The following LRRC7 variants were observed in gnomAD, a reference collection of about 807,000 sequenced individuals.
The protein encoded by LRRC7 is leucine-rich repeat-containing protein 7.
A neutral mutation model predicts 175.7 loss-of-function variants in LRRC7; 23 were observed. The ratio of observed to expected loss-of-function variants is 0.13; its 90% CI spans 0.09 to 0.19. The LOEUF (loss-of-function observed/expected upper bound fraction) is 0.19, where lower values mean the gene tolerates loss of function less well. Among genes scored for constraint, LRRC7 ranks in the 10% least tolerant of loss-of-function variants. The pLI is 1.00. For missense variants in LRRC7, 1,354 were observed against 1,904.7 expected (o/e 0.71, Z 5.38); for synonymous variants, 685 against 680.9 (o/e 1.01, Z -0.09).
chr1:70,037,399 T>C (rs1659414732), intron 20 of LRRC7, among the ~76,000 whole-genome samples: 1 of 152,236 alleles, frequency 6.6e-6, no homozygotes, highest in East Asian at 1.9e-4. Flanking sequence ...GTAAATTCAT[T>C]ATTTGCATTA....
rs1038838344 is a variant in LRRC7, at chr1:70,141,719, T to G, written c.*19832T>G. On this transcript the variant is annotated 3_prime_UTR_variant, in exon 27 of 27. Coordinates refer to ENST00000651989, the MANE Select transcript of LRRC7 (RefSeq NM_001370785.2). ...AAGTTTTAAAGTTAGCTGCTTATAT[T>G]GTACAAAGATATTTTTGGCTCTTTA... 5 of 152,136 alleles carry G rather than the reference T, an allele frequency of 3.3e-5. No homozygotes were observed. The highest frequency in any genetic ancestry group is 1.3e-4 in the Admixed American group (2 of 15,276). 9.4% of individuals were successfully genotyped at this position (152,136 alleles called of 1,614,324 possible). A position where few individuals can be genotyped will look rare whatever the true frequency, so the allele number is the denominator to read the frequency against.
At position 70,013,076 on chromosome 1, in the gene LRRC7, T is replaced by C. The variant is rs756361126; in HGVS notation, c.1237T>C (p.Leu413=). The C allele has an allele frequency of 1.3e-6, 2 of 1,559,164 alleles. No homozygotes were observed. Among genetic ancestry groups the C allele is most frequent in the Non-Finnish European group, 1.7e-6 (2 of 1,148,112 alleles). ...GATGCAGAAACTAAGAGTCCTAAAT[T>C]TGAGTGACAACAGGTATTTTTGCAA... ...GQMQKLRVLN[L]SDNRLKNLPF... is the part of the protein sequence containing the mutation. The change falls in exon 13 of 27, where the codon TTG becomes CTG. Residue 413 remains leucine, a synonymous_variant. Transcript: ENST00000651989.
intron 2 of LRRC7, among the ~76,000 whole-genome samples, chr1:69,705,355 G>A (rs1663900260): frequency 6.6e-6 from 1 of 152,100 alleles, no homozygotes; most frequent in Non-Finnish European, 1.5e-5. Flanking sequence ...GCTTCTCCTT[G>A]ACTTGTATTC....
Position 70,028,307 on chromosome 1 carries a change from A to C in LRRC7, c.1931A>C (p.Glu644Ala). The C allele has an allele frequency of 6.2e-7, 1 of 1,613,804 alleles. No individual in the cohort carries two copies. The highest frequency in any genetic ancestry group is 8.5e-7 in the Non-Finnish European group (1 of 1,179,794). The stretch of plus-strand genomic sequence containing the variant: ...AATTCAAATCCAACTGCTAACACGG[A>C]GCAAACTGTGAAAGAAAAATATGAA... ...VENSNPTANTEQTVKEKYEHK... is the reference protein window; with the variant it reads ...VENSNPTANTAQTVKEKYEHK... Residue 644 changes from glutamate to alanine, a missense_variant, in exon 18 of 27, where the codon GAG becomes GCG. This residue lies in a region of LRRC7 where 1,032 missense variants were observed against 1,227.2 expected (regional missense o/e 0.84). Transcript: ENST00000651989.
At chr1:69,927,422 C>T (rs997250803) in intron 7 of LRRC7, among the ~76,000 whole-genome samples, 3 of 152,318 alleles carry the variant, frequency 2.0e-5, no homozygotes, top group Non-Finnish European at 2.9e-5. Flanking sequence ...TGGTTCCATT[C>T]TCCCCGTCAC....
At chr1:69,844,366 CAG>C (rs2101406015) in intron 7 of LRRC7, among the ~76,000 whole-genome samples, 1 of 152,210 alleles carries the variant, frequency 6.6e-6, no homozygotes, top group East Asian at 1.9e-4. Flanking sequence ...CTCCTCCCCT[CAG>C]CCCCTGGCAG....
rs1352748591 is a variant in LRRC7, at chr1:69,718,096, G to GA, written c.100+39620dup. On this transcript the variant is annotated intron_variant, in intron 2 of 26. Transcript: ENST00000651989. ...AAGAGAAGAGAGAGAAAAAGAAAGA[G>GA]AAGAAAGAGAGAAAAAGAAAGAAAG... Among the ~76,000 whole-genome samples, 69 of 26,842 alleles carry GA rather than the reference G, an allele frequency of 2.6e-3. 1 individual carries two copies. Among genetic ancestry groups the GA allele is most frequent in the African/African-American group, 0.021 (67 of 3,170 alleles). 17.6% of individuals were successfully genotyped at this position (26,842 alleles called of 152,430 possible).
At chr1:69,787,812 A>G (rs1470393189) in intron 3 of LRRC7, among the ~76,000 whole-genome samples, 1 of 151,962 alleles carries the variant, frequency 6.6e-6, no homozygotes, top group Non-Finnish European at 1.5e-5. Flanking sequence ...CCATGATTCA[A>G]TTACCTCCCA....
chr1:70,085,323 A>T (rs1571281695), intron 24 of LRRC7, among the ~76,000 whole-genome samples: 1 of 152,172 alleles, frequency 6.6e-6, no homozygotes, highest in East Asian at 1.9e-4. Flanking sequence ...GGTGTGAGAT[A>T]TGAGTACAGA....
At chr1:69,977,366 T>TA (rs918873742) in intron 8 of LRRC7, among the ~76,000 whole-genome samples, 15 of 152,058 alleles carry the variant, frequency 9.9e-5, no homozygotes, top group African/African-American at 3.4e-4. Context: ...CTATCTCCTT[T>TA]AAAAAAAAGA....
intron 1 of LRRC7, among the ~76,000 whole-genome samples, chr1:69,591,676 C>T (rs1646641179): frequency 6.6e-6 from 1 of 151,944 alleles, no homozygotes; most frequent in Non-Finnish European, 1.5e-5. Context: ...GGAAATTCAC[C>T]AGAAATCTAA....
intron 2 of LRRC7, among the ~76,000 whole-genome samples, chr1:69,757,699 A>G (rs1264891613): frequency 6.6e-6 from 1 of 151,978 alleles, no homozygotes; most frequent in Non-Finnish European, 1.5e-5. Flanking sequence ...TAAAATGTGC[A>G]ATGATAGCAA....
chr1:70,120,490 G>A (rs1232662432), intron 26 of LRRC7, among the ~76,000 whole-genome samples: 1 of 151,868 alleles, frequency 6.6e-6, no homozygotes, highest in Non-Finnish European at 1.5e-5. Flanking sequence ...GAGATATAAT[G>A]TATCATATAA....
intron 7 of LRRC7, among the ~76,000 whole-genome samples, chr1:69,882,049 A>G (rs547413245): frequency 1.3e-5 from 2 of 151,560 alleles, no homozygotes; most frequent in South Asian, 4.1e-4. Flanking sequence ...AACCCAGTTT[A>G]CAAAATGGAA....
At chr1:69,776,010 A>C (rs1672768897) in intron 3 of LRRC7, among the ~76,000 whole-genome samples, 1 of 152,170 alleles carries the variant, frequency 6.6e-6, no homozygotes, top group Non-Finnish European at 1.5e-5. Context: ...TAGAGCCTCT[A>C]ATTACAGAGA....
At chr1:69,991,585 T>C (rs1306223608) in intron 10 of LRRC7, among the ~76,000 whole-genome samples, 1 of 152,152 alleles carries the variant, frequency 6.6e-6, no homozygotes, top group Non-Finnish European at 1.5e-5. Flanking sequence ...CTGAGAGCTC[T>C]GTTCTGAGGC....
At chr1:69,920,637 G>A (rs1416556561) in intron 7 of LRRC7, among the ~76,000 whole-genome samples, 1 of 152,002 alleles carries the variant, frequency 6.6e-6, no homozygotes, top group Non-Finnish European at 1.5e-5. Context: ...TACTCTCCTG[G>A]GACATCAGTG....
intron 23 of LRRC7, among the ~76,000 whole-genome samples, chr1:70,055,219 A>G (rs765826918): frequency 1.1e-4 from 16 of 152,184 alleles, no homozygotes; most frequent in Admixed American, 3.3e-4. Context: ...TTTAGCGAGG[A>G]AACTAAGAGC....
Position 70,038,655 on chromosome 1 carries a change from G to A in LRRC7, c.2831G>A (p.Ser944Asn), listed in dbSNP as rs916154154. 4.3e-6 allele frequency: 7 copies of A among 1,613,976 alleles called. No individual in the cohort carries two copies. The highest frequency in any genetic ancestry group is 3.3e-5 in the South Asian group (3 of 91,080). The change falls in exon 21 of 27, where the codon AGT becomes AAT. Residue 944 changes from serine to asparagine, a missense_variant. Physicochemically the swap from Ser to Asn is conservative, Grantham distance 46. Coordinates refer to ENST00000651989, the MANE Select transcript of LRRC7 (RefSeq NM_001370785.2). ...YHDSNPNRSL[S>N]NVFSQIHCRP... ...GATTCCAATCCCAACAGGAGTCTTA[G>A]TAATGTCTTTTCTCAAATCCACTGC...
Sources: allele counts gnomAD v4.1 joint callset (sites outside exome capture counted in the v4.1 genomes callset), GRCh38; gene constraint gnomAD v4.1.1; regional missense constraint gnomAD v4.1.1; transcripts MANE v1.5; gene names NCBI Gene and HGNC (gene_info 2026-07-23, HGNC 2026-07-21).